UBE3C: variants seen among roughly 807,000 people sequenced by gnomAD.
The protein encoded by UBE3C is ubiquitin protein ligase E3C.
In UBE3C, 42 loss-of-function variants were observed where a neutral mutation model predicts 129.4. The observed-to-expected ratio is 0.32, with a 90% CI of 0.25 to 0.42. The LOEUF (loss-of-function observed/expected upper bound fraction) is 0.42. Among genes scored for constraint, UBE3C ranks in the 10% least tolerant of loss-of-function variants. The pLI is 1.00. For missense variants in UBE3C, 1,049 were observed against 1,319.1 expected (o/e 0.80, Z 3.17); for synonymous variants, 510 against 492.4 (o/e 1.04, Z -0.47).
intron 6 of UBE3C, among the ~76,000 whole-genome samples, chr7:157,179,332 T>G (rs1360711407): frequency 6.6e-6 from 1 of 152,074 alleles, no homozygotes; most frequent in Non-Finnish European, 1.5e-5. Flanking sequence ...TCACATTAGT[T>G]CAGTAGAAGA....
At chr7:157,192,585 C>T (rs762431482) in intron 10 of UBE3C, 49 of 765,310 alleles carry the variant, frequency 6.4e-5, no homozygotes, top group Middle Eastern at 3.6e-4. Flanking sequence ...GTTGAGACTT[C>T]GTGGTGGTGC....
chr7:157,145,443 G>A (rs532243454), intron 1 of UBE3C, among the ~76,000 whole-genome samples: 12 of 152,224 alleles, frequency 7.9e-5, no homozygotes, highest in Admixed American at 6.5e-4. Flanking sequence ...GCTTGAACCC[G>A]AGAGGCAGAG....
intron 1 of UBE3C, among the ~76,000 whole-genome samples, chr7:157,149,587 G>A (rs1203207312): frequency 4.6e-5 from 7 of 152,122 alleles, no homozygotes; most frequent in Non-Finnish European, 1.0e-4. Flanking sequence ...TGTGCCTTAA[G>A]CATCTGGCTT....
At chr7:157,244,489 G>T (rs1476696805) in intron 18 of UBE3C, among the ~76,000 whole-genome samples, 1 of 152,226 alleles carries the variant, frequency 6.6e-6, no homozygotes, top group African/African-American at 2.4e-5. Context: ...AGTTAGGATG[G>T]CTTTAAAGCA....
chr7:157,199,880 T>G (rs1809232425), intron 10 of UBE3C, among the ~76,000 whole-genome samples: 1 of 152,162 alleles, frequency 6.6e-6, no homozygotes, highest in African/African-American at 2.4e-5. Context: ...TTACCATTTT[T>G]TCGTTTTTCC....
Position 157,181,504 on chromosome 7 carries a change from GT to G in UBE3C, c.617-9del. ...AAAAGGCACTAAATTTTAAATATGTGTTTTTCCTTTTAGGGTATTATAGGTC... is the reference window on the plus strand; with the variant it reads ...AAAAGGCACTAAATTTTAAATATGTGTTTTCCTTTTAGGGTATTATAGGTC... On this transcript the variant is annotated splice_polypyrimidine_tract_variant and intron_variant, in intron 6 of 22. Transcript: ENST00000348165. The G allele has an allele frequency of 6.5e-7, 1 of 1,547,232 alleles. No homozygotes were observed. The highest frequency in any genetic ancestry group is 8.7e-7 in the Non-Finnish European group (1 of 1,154,738).
chr7:157,253,135 ACTG>A (rs1796660850), intron 19 of UBE3C, among the ~76,000 whole-genome samples: 2 of 152,204 alleles, frequency 1.3e-5, no homozygotes. Flanking sequence ...TTGCTCGTGT[ACTG>A]TTTTGTATTT....
chr7:157,206,105 T>G (rs1470339968), intron 11 of UBE3C, among the ~76,000 whole-genome samples: 1 of 152,028 alleles, frequency 6.6e-6, no homozygotes, highest in East Asian at 1.9e-4. Flanking sequence ...TGTGATTGAT[T>G]TGACTTGGTA....
At chr7:157,156,905 TC>T (rs1807925539) in intron 1 of UBE3C, among the ~76,000 whole-genome samples, 1 of 152,078 alleles carries the variant, frequency 6.6e-6, no homozygotes, top group South Asian at 2.1e-4. Context: ...TAAAGCTGAC[TC>T]CAGTGAGTTA....
At chr7:157,209,129 C>T (rs1342818691) in intron 13 of UBE3C, among the ~76,000 whole-genome samples, 1 of 152,162 alleles carries the variant, frequency 6.6e-6, no homozygotes. Flanking sequence ...AGATGTCAAG[C>T]TAGACTTTAG....
intron 10 of UBE3C, chr7:157,189,278 A>G (rs1238265104): frequency 3.9e-6 from 1 of 255,440 alleles, no homozygotes; most frequent in Non-Finnish European, 7.3e-6. Flanking sequence ...TGGTTAAGTA[A>G]TAAATGAATT....
intron 13 of UBE3C, among the ~76,000 whole-genome samples, chr7:157,216,004 G>T (rs1414413187): frequency 6.6e-6 from 1 of 152,174 alleles, no homozygotes; most frequent in Non-Finnish European, 1.5e-5. Flanking sequence ...AAAGAATATT[G>T]TAATTTTTTA....
chr7:157,257,567 T>G (rs1007210685), intron 22 of UBE3C, among the ~76,000 whole-genome samples: 2 of 151,966 alleles, frequency 1.3e-5, no homozygotes, highest in African/African-American at 4.8e-5. Flanking sequence ...AAACCCTGTC[T>G]TTGCTAAAAA....
chr7:157,229,340 A>C (rs1393138533), intron 17 of UBE3C, among the ~76,000 whole-genome samples: 1 of 152,150 alleles, frequency 6.6e-6, no homozygotes, highest in Admixed American at 6.5e-5. Context: ...TTGAAATGGA[A>C]CTTCTCTCTT....
At chr7:157,237,650 A>G (rs537367492) in intron 18 of UBE3C, among the ~76,000 whole-genome samples, 12 of 152,278 alleles carry the variant, frequency 7.9e-5, no homozygotes, top group African/African-American at 2.9e-4. Context: ...GGGCCATGTT[A>G]ATTTGTCACC....
intron 13 of UBE3C, among the ~76,000 whole-genome samples, chr7:157,213,219 C>G (rs1323090565): frequency 6.6e-6 from 1 of 152,200 alleles, no homozygotes; most frequent in Non-Finnish European, 1.5e-5. Context: ...AACTTAAAAT[C>G]CACTAAAATT....
intron 11 of UBE3C, among the ~76,000 whole-genome samples, chr7:157,202,590 G>A (rs560117753): frequency 4.4e-4 from 67 of 152,292 alleles, no homozygotes; most frequent in Non-Finnish European, 7.9e-4. Flanking sequence ...CTGGAAGGCG[G>A]AGGTTGCAGT....
At chr7:157,226,885 A>C (rs2116627418) in intron 17 of UBE3C, among the ~76,000 whole-genome samples, 1 of 152,278 alleles carries the variant, frequency 6.6e-6, no homozygotes, top group Non-Finnish European at 1.5e-5. Context: ...TTTTCAGAGT[A>C]TTTGGTGTGA....
At chr7:157,171,126 G>A (rs1250808715) in intron 4 of UBE3C, among the ~76,000 whole-genome samples, 1 of 145,370 alleles carries the variant, frequency 6.9e-6, no homozygotes, top group Non-Finnish European at 1.5e-5. Context: ...GGTCTCTTTT[G>A]TGGGGAGGGC....
Sources: allele counts gnomAD v4.1 joint callset (sites outside exome capture counted in the v4.1 genomes callset), GRCh38; gene constraint gnomAD v4.1.1; transcripts MANE v1.5; gene names NCBI Gene and HGNC (gene_info 2026-07-23, HGNC 2026-07-21).